Variants in HS3ST5 observed in about 807,000 individuals in gnomAD.
HS3ST5 encodes the protein heparan sulfate glucosamine 3-O-sulfotransferase 5.
HS3ST5 carries 10 observed loss-of-function variants against 25.4 expected under a neutral mutation model. The ratio of observed to expected loss-of-function variants is 0.39; its 90% CI spans 0.24 to 0.67. The LOEUF is 0.67. HS3ST5 is among the 30% of genes least tolerant of loss of function. The pLI, the probability that HS3ST5 is intolerant of heterozygous loss-of-function variation, is 0.44. For synonymous variants in HS3ST5, 170 were observed against 162.4 expected (o/e 1.05, Z -0.36); for missense variants, 324 against 420.7 (o/e 0.77, Z 2.01).
chr6:114,100,182 C>G (rs1047972020), intron 3 of HS3ST5, among the ~76,000 whole-genome samples: 10 of 152,148 alleles, frequency 6.6e-5, no homozygotes, highest in African/African-American at 2.4e-4. Context: ...CATACACAAA[C>G]AGACCAATGT....
intron 1 of HS3ST5, among the ~76,000 whole-genome samples, chr6:114,312,634 A>G (rs576790468): frequency 7.3e-5 from 11 of 151,434 alleles, no homozygotes; most frequent in Non-Finnish European, 8.8e-5. Context: ...ATGTAATGAC[A>G]AAAGACCTAT....
intron 3 of HS3ST5, among the ~76,000 whole-genome samples, chr6:114,101,215 G>A (rs1217247556): frequency 1.3e-5 from 2 of 152,074 alleles, no homozygotes; most frequent in African/African-American, 4.8e-5. Flanking sequence ...CCACAAAAGG[G>A]TTATTAAGCC....
chr6:114,137,575 T>C (rs1777690305), intron 3 of HS3ST5, among the ~76,000 whole-genome samples: 1 of 152,118 alleles, frequency 6.6e-6, no homozygotes, highest in Non-Finnish European at 1.5e-5. Flanking sequence ...CTTTTTCAGG[T>C]GTCCATTCAA....
intron 3 of HS3ST5, among the ~76,000 whole-genome samples, chr6:114,121,178 T>C (rs1776767686): frequency 6.6e-6 from 1 of 152,246 alleles, no homozygotes; most frequent in East Asian, 1.9e-4. Flanking sequence ...GCAAAAGTAC[T>C]CTTATTATTT....
intron 1 of HS3ST5, among the ~76,000 whole-genome samples, chr6:114,304,931 T>G (rs952993964): frequency 6.6e-6 from 1 of 152,072 alleles, no homozygotes; most frequent in African/African-American, 2.4e-5. Context: ...AAGAAAGGAG[T>G]AATTGAATAG....
intron 2 of HS3ST5, among the ~76,000 whole-genome samples, chr6:114,204,137 G>A (rs953691258): frequency 1.3e-5 from 2 of 152,176 alleles, no homozygotes; most frequent in African/African-American, 2.4e-5. Context: ...ATTTTCCTGT[G>A]AAAAGCTTTG....
At position 114,341,218 on chromosome 6, in the gene HS3ST5, AG is replaced by A. The variant is rs1381332868; in HGVS notation, c.-339+976del. ...GGAGAGGGAGAGGGAATAGGGAGAG[AG>A]GGGGAGAGAGAGAGAGAGAGAGAGA... On this transcript the variant is annotated intron_variant, in intron 1 of 4. Transcript: ENST00000312719. Among the ~76,000 whole-genome samples, 8 of 104,576 alleles carry A rather than the reference AG, an allele frequency of 7.6e-5. 2 individuals are homozygous for A. The East Asian group carries it at 2.2e-3, about 29-fold the overall frequency. The allele number at this position is 104,576 out of a possible 152,430, so 68.6% of individuals were successfully genotyped here. A position where few individuals can be genotyped will look rare whatever the true frequency, so the allele number is the denominator to read the frequency against.
intron 3 of HS3ST5, among the ~76,000 whole-genome samples, chr6:114,099,470 A>T (rs1775619333): frequency 6.6e-6 from 1 of 152,128 alleles, no homozygotes. Flanking sequence ...TTTTTCCTTT[A>T]ATCTGGAGCA....
At chr6:114,089,238 A>G (rs1435511579) in intron 3 of HS3ST5, among the ~76,000 whole-genome samples, 1 of 152,224 alleles carries the variant, frequency 6.6e-6, no homozygotes. Context: ...TCAGCCAACC[A>G]TTAAATTAGC....
At chr6:114,088,144 T>C (rs556049055) in intron 3 of HS3ST5, among the ~76,000 whole-genome samples, 7 of 152,368 alleles carry the variant, frequency 4.6e-5, no homozygotes, top group Admixed American at 3.3e-4. Flanking sequence ...ATGAGGCCTC[T>C]AAAATTGTAA....
intron 1 of HS3ST5, among the ~76,000 whole-genome samples, chr6:114,294,947 GTT>G: frequency 6.6e-6 from 1 of 152,256 alleles, no homozygotes; most frequent in Admixed American, 6.5e-5. Flanking sequence ...GAGGATTACA[GTT>G]CTCTTATTGA....
At position 114,056,426 on chromosome 6, in the gene HS3ST5, A is replaced by G. The variant is rs1257939029; in HGVS notation, c.*831T>C. On this transcript the variant is annotated 3_prime_UTR_variant, in exon 5 of 5. Coordinates refer to ENST00000312719, the MANE Select transcript of HS3ST5 (RefSeq NM_153612.4). ...TTTTGGAAGCCAGCAGGGGGCACGT[A>G]AAACAAAATGAGTAAAAAAAAAAAA... 6.9e-6 allele frequency: 1 copy of G among 145,606 alleles called. No individual in the cohort carries two copies. Among genetic ancestry groups the G allele is most frequent in the East Asian group, 2.0e-4 (1 of 4,880 alleles). 9.0% of individuals were successfully genotyped at this position (145,606 alleles called of 1,614,324 possible).
chr6:114,256,604 C>T (rs974064189), intron 1 of HS3ST5, among the ~76,000 whole-genome samples: 2 of 152,148 alleles, frequency 1.3e-5, no homozygotes, highest in African/African-American at 4.8e-5. Context: ...CAGTTGCCAA[C>T]AAGTTTCTCA....
chr6:114,123,896 G>C lies in HS3ST5; in HGVS notation c.-33+44455C>G, dbSNP rs150624241. 5.9e-3 allele frequency among the ~76,000 whole-genome samples: 893 copies of C among 152,224 alleles called. 4 individuals carry two copies. Among genetic ancestry groups the C allele is most frequent in the Non-Finnish European group, 8.7e-3 (593 of 68,014 alleles). On this transcript the variant is annotated intron_variant, in intron 3 of 4. Coordinates refer to ENST00000312719, the MANE Select transcript of HS3ST5 (RefSeq NM_153612.4). ...GAACTTCTCAGGATGTACTACGGAG[G>C]AGAATTCACTGTTGCTCCATGTATT...
At chr6:114,242,032 T>C (rs1428280093) in intron 1 of HS3ST5, among the ~76,000 whole-genome samples, 2 of 152,186 alleles carry the variant, frequency 1.3e-5, no homozygotes, top group South Asian at 2.1e-4. Context: ...GTACTATCCA[T>C]AGGGCAAGTG....
chr6:114,115,220 C>T (rs890334789), intron 3 of HS3ST5, among the ~76,000 whole-genome samples: 1 of 151,906 alleles, frequency 6.6e-6, no homozygotes, highest in Non-Finnish European at 1.5e-5. Context: ...TGTTCATTTT[C>T]CTGAAGATAA....
chr6:114,090,334 G>A (rs1356130813), intron 3 of HS3ST5, among the ~76,000 whole-genome samples: 2 of 152,046 alleles, frequency 1.3e-5, no homozygotes, highest in South Asian at 2.1e-4. Flanking sequence ...ATTGTGTCTC[G>A]AATGCCAGTG....
rs189502211 is a variant in HS3ST5 at position 114,070,556 on chromosome 6, T to G, written c.-32-7679A>C. The stretch of plus-strand genomic sequence containing the variant: ...AAAGATTTATAGTAGATGATCAAAA[T>G]ACCATTGGGATTAGCTGCCACTTGT... On this transcript the variant is annotated intron_variant, in intron 3 of 4. Transcript: ENST00000312719. Among the ~76,000 whole-genome samples, 535 of 152,308 alleles carry G rather than the reference T, an allele frequency of 3.5e-3. 1 individual carries two copies. The highest frequency in any genetic ancestry group is 9.3e-3 in the Admixed American group (143 of 15,298).
intron 2 of HS3ST5, among the ~76,000 whole-genome samples, chr6:114,189,312 T>C (rs1275834842): frequency 6.6e-6 from 1 of 152,108 alleles, no homozygotes; most frequent in Admixed American, 6.6e-5. Flanking sequence ...TTCGTTAAGA[T>C]TTTTCTTTGT....
Sources: gnomAD v4.1 joint callset for allele counts (sites outside exome capture counted in the v4.1 genomes callset) on GRCh38, gnomAD v4.1.1 for gene constraint, MANE v1.5 for transcripts, NCBI Gene and HGNC (gene_info 2026-07-23, HGNC 2026-07-21) for gene names.